Variants in ZNF423 observed in about 807,000 individuals in gnomAD.
ZNF423 encodes zinc finger protein 423.
Under a neutral mutation model 95.8 loss-of-function variants are expected in ZNF423, and 12 were observed. That is an observed-to-expected ratio of 0.13 (90% CI 0.08 to 0.20). The LOEUF (loss-of-function observed/expected upper bound fraction) is 0.20. ZNF423 is among the 10% of genes least tolerant of loss of function. The pLI is 1.00. For synonymous variants in ZNF423, 749 were observed against 711.9 expected (o/e 1.05, Z -0.83); for missense variants, 1,316 against 1,737.1 (o/e 0.76, Z 4.31).
At chr16:49,560,191 G>A (rs1597103215) in intron 5 of ZNF423, among the ~76,000 whole-genome samples, 1 of 152,160 alleles carries the variant, frequency 6.6e-6, no homozygotes, top group East Asian at 1.9e-4. Flanking sequence ...CTGTCACCAG[G>A]AGCCAGTGAG....
chr16:49,749,775 C>G (rs1313299742), intron 2 of ZNF423, among the ~76,000 whole-genome samples: 1 of 142,060 alleles, frequency 7.0e-6, no homozygotes, highest in Admixed American at 7.7e-5. Context: ...TAAATGTGAA[C>G]AGGCCCCAGT....
chr16:49,625,020 C>T (rs928247186), intron 5 of ZNF423, among the ~76,000 whole-genome samples: 4 of 152,170 alleles, frequency 2.6e-5, no homozygotes, highest in Non-Finnish European at 1.5e-5. Flanking sequence ...ACCAGTACTC[C>T]GATGGCATAG....
At chr16:49,532,724 G>A (rs1276736570) in intron 5 of ZNF423, among the ~76,000 whole-genome samples, 1 of 152,232 alleles carries the variant, frequency 6.6e-6, no homozygotes, top group East Asian at 1.9e-4. Flanking sequence ...GCTCAACCTT[G>A]TAACTGACCC....
At chr16:49,673,962 A>G (rs920073681) in intron 3 of ZNF423, among the ~76,000 whole-genome samples, 1 of 152,220 alleles carries the variant, frequency 6.6e-6, no homozygotes, top group African/African-American at 2.4e-5. Context: ...GGACACCCTG[A>G]GACATGAAGG....
chr16:49,656,702 C>T (rs909879517), intron 3 of ZNF423, among the ~76,000 whole-genome samples: 9 of 152,080 alleles, frequency 5.9e-5, no homozygotes, highest in African/African-American at 1.4e-4. Flanking sequence ...TGCATATGTA[C>T]GTATAGGTCT....
intron 5 of ZNF423, among the ~76,000 whole-genome samples, chr16:49,595,265 G>A (rs1388094474): frequency 6.6e-6 from 1 of 152,220 alleles, no homozygotes; most frequent in Non-Finnish European, 1.5e-5. Context: ...GAGCTCACAT[G>A]TGGTAAACCC....
At chr16:49,777,172 G>A (rs2034135333) in intron 2 of ZNF423, among the ~76,000 whole-genome samples, 3 of 152,224 alleles carry the variant, frequency 2.0e-5, no homozygotes, top group Admixed American at 2.0e-4. Context: ...GCGTACATAT[G>A]TGTGTAGTAT....
chr16:49,593,681 C>T (rs1409858469), intron 5 of ZNF423, among the ~76,000 whole-genome samples: 1 of 152,144 alleles, frequency 6.6e-6, no homozygotes, highest in African/African-American at 2.4e-5. Flanking sequence ...AACACCCAAG[C>T]CCCAAGCCTG....
intron 3 of ZNF423, among the ~76,000 whole-genome samples, chr16:49,644,081 C>T (rs1973075743): frequency 6.6e-6 from 1 of 152,180 alleles, no homozygotes; most frequent in African/African-American, 2.4e-5. Flanking sequence ...TCCTCTGTCA[C>T]AGAGAATCAA....
intron 7 of ZNF423, among the ~76,000 whole-genome samples, chr16:49,499,529 A>T (rs1967303128): frequency 6.6e-6 from 1 of 152,188 alleles, no homozygotes; most frequent in Admixed American, 6.5e-5. Flanking sequence ...ACATTTGAGA[A>T]AGAGCCACAT....
chr16:49,602,916 AG>A (rs1438467837), intron 5 of ZNF423, among the ~76,000 whole-genome samples: 1 of 152,172 alleles, frequency 6.6e-6, no homozygotes, highest in Non-Finnish European at 1.5e-5. Context: ...CAAACCCCAA[AG>A]GTTAACAGCG....
At chr16:49,704,736 A>G (rs1302146113) in intron 3 of ZNF423, among the ~76,000 whole-genome samples, 1 of 152,178 alleles carries the variant, frequency 6.6e-6, no homozygotes, top group Non-Finnish European at 1.5e-5. Flanking sequence ...TGCTATGCAG[A>G]GCACACACAC....
At chr16:49,835,074 A>G (rs2035103216) in intron 1 of ZNF423, among the ~76,000 whole-genome samples, 1 of 152,020 alleles carries the variant, frequency 6.6e-6, no homozygotes, top group Admixed American at 6.5e-5. Flanking sequence ...AGGGTGGCTG[A>G]GCCTTGGCTC....
intron 3 of ZNF423, among the ~76,000 whole-genome samples, chr16:49,685,466 G>A (rs1162787596): frequency 6.6e-6 from 1 of 152,140 alleles, no homozygotes; most frequent in Non-Finnish European, 1.5e-5. Context: ...TTGTCCCCCA[G>A]GCCCCTGCCC....
At chr16:49,812,274 G>A (rs2143966091) in intron 1 of ZNF423, among the ~76,000 whole-genome samples, 1 of 152,356 alleles carries the variant, frequency 6.6e-6, no homozygotes, top group South Asian at 2.1e-4. Context: ...CACTGGGCTA[G>A]AGGGTCCTGG....
intron 1 of ZNF423, among the ~76,000 whole-genome samples, chr16:49,795,527 G>A (rs149918781): frequency 1.5e-3 from 226 of 152,302 alleles, no homozygotes; most frequent in African/African-American, 5.3e-3. Context: ...AATCATCATC[G>A]CTCATCAGAG....
In ZNF423 at chr16:49,637,902, C is replaced by T. The variant is rs150550744; in HGVS notation, c.1274G>A (p.Arg425Gln). ...VVYSCPYCSK[R>Q]DFNSLAVLEI... ...CAGCACGGCCAGGCTGTTAAAGTCC[C>T]GCTTGGAACAATAGGGGCAGCTATA... Residue 425 changes from arginine (R) to glutamine (Q), a missense_variant, in exon 4 of 8, where the codon CGG becomes CAG. Physicochemically the swap from Arg to Gln is conservative, Grantham distance 43. This residue lies in a region of ZNF423 where 399 missense variants were observed against 478.5 expected (regional missense o/e 0.83). Coordinates refer to ENST00000563137, the MANE Select transcript of ZNF423 (RefSeq NM_001379286.1). The surrounding 1 kb of genome is among the most constrained non-coding windows in gnomAD (Gnocchi z 5.6). The T allele has an allele frequency of 9.3e-6, 15 of 1,614,156 alleles. No homozygotes were observed. In the Middle Eastern group the frequency reaches 4.9e-4, roughly 53 times the overall value.
chr16:49,698,927 C>T (rs2032073025), intron 3 of ZNF423, among the ~76,000 whole-genome samples: 1 of 152,214 alleles, frequency 6.6e-6, no homozygotes, highest in African/African-American at 2.4e-5. Flanking sequence ...CAGAGACCCG[C>T]GGAGCTCCAG....
intron 2 of ZNF423, among the ~76,000 whole-genome samples, chr16:49,734,221 T>G (rs1370971595): frequency 6.6e-6 from 1 of 152,190 alleles, no homozygotes; most frequent in Admixed American, 6.5e-5. Context: ...GGACCTTCCC[T>G]ACTCCTTCAA....
Sources: allele counts gnomAD v4.1 joint callset (sites outside exome capture counted in the v4.1 genomes callset), GRCh38; gene constraint gnomAD v4.1.1; regional missense constraint gnomAD v4.1.1; non-coding constraint Gnocchi (gnomAD v3.1); transcripts MANE v1.5; gene names NCBI Gene and HGNC (gene_info 2026-07-23, HGNC 2026-07-21).